Variants in MYZAP observed in about 807,000 individuals in gnomAD.
The protein encoded by MYZAP is GRINL1A complex locus upstream.
A neutral mutation model predicts 69.4 loss-of-function variants in MYZAP; 66 were observed. The observed-to-expected ratio is 0.95, with a 90% CI of 0.78 to 1.17. The LOEUF (loss-of-function observed/expected upper bound fraction) is 1.17. Among genes scored for constraint, MYZAP ranks in the 50% most tolerant of loss-of-function variants. The probability of loss-of-function intolerance (pLI) is 0.00; values close to 1 mark genes in which losing one functional copy is unlikely to be tolerated. For synonymous variants in MYZAP, 256 were observed against 205.9 expected (o/e 1.24, Z -2.09); for missense variants, 611 against 556.2 (o/e 1.10, Z -0.99).
chr15:57,630,978 G>A (rs1359437396), intron 6 of MYZAP, among the ~76,000 whole-genome samples: 1 of 152,120 alleles, frequency 6.6e-6, no homozygotes, highest in Non-Finnish European at 1.5e-5. Flanking sequence ...TCCACCGCCC[G>A]GTCTCTGTAT....
rs573262399 is a variant in MYZAP, at chr15:57,644,138, A to G, written c.1119+4593A>G. On this transcript the variant is annotated intron_variant, in intron 10 of 12. Coordinates refer to ENST00000267853, the MANE Select transcript of MYZAP (RefSeq NM_001018100.5). ...AAAACTCTGCAAGTGATTCTAATAT[A>G]CAGCCAGGATTGAGAATCGCTGTCC... is the stretch of plus-strand genomic sequence containing the variant. Among the ~76,000 whole-genome samples the G allele has an allele frequency of 3.9e-5, 6 of 152,316 alleles. No homozygotes were observed. The South Asian group carries it at 6.2e-4, about 16-fold the overall frequency.
intron 2 of MYZAP, 74 bp from the exon 3 acceptor site, chr15:57,617,959 T>A: frequency 1.3e-6 from 2 of 1,531,124 alleles, no homozygotes; most frequent in Non-Finnish European, 1.8e-6. Flanking sequence ...TCATACACAG[T>A]GGGCCCGTTA....
At chr15:57,667,372 C>T (rs2038629810) in intron 11 of MYZAP, among the ~76,000 whole-genome samples, 1 of 152,134 alleles carries the variant, frequency 6.6e-6, no homozygotes, top group Admixed American at 6.5e-5. Context: ...AAGTGCTGCA[C>T]ATTTTCTCCC....
intron 1 of MYZAP, among the ~76,000 whole-genome samples, chr15:57,599,032 G>A (rs1211110077): frequency 6.6e-6 from 1 of 152,186 alleles, no homozygotes; most frequent in East Asian, 1.9e-4. Flanking sequence ...TGTTTACAGA[G>A]TGCTTAATGC....
chr15:57,668,936 C>G (rs1285711137), intron 11 of MYZAP, among the ~76,000 whole-genome samples: 1 of 148,514 alleles, frequency 6.7e-6, no homozygotes, highest in Non-Finnish European at 1.5e-5. Flanking sequence ...GATACCCAAG[C>G]TGGAGTACAG....
chr15:57,604,284 C>A lies in MYZAP; in HGVS notation c.91C>A (p.Leu31Ile), dbSNP rs142253131. ...TCTCTTCTAGGCAAATGTTTGCAGA[C>A]TACGGCTGACCGTACCTCCTGAGAG... ...APSRRANVCR[L>I]RLTVPPESPV... The change falls in exon 2 of 13, where the codon CTA (leucine) becomes ATA (isoleucine). Residue 31 changes from leucine to isoleucine, a missense_variant. Transcript: ENST00000267853. The A allele has an allele frequency of 8.9e-4, 1,443 of 1,614,222 alleles. 3 individuals carry two copies. The highest frequency in any genetic ancestry group is 1.2e-3 in the Non-Finnish European group (1,387 of 1,180,048).
chr15:57,605,095 G>A lies in MYZAP; in HGVS notation c.162+740G>A, dbSNP rs549365652. ...GACCTCTAGGCCTGTGGTCCTGGCC[G>A]ACCCATTTTACTCATTCATAATTAT... On this transcript the variant is annotated intron_variant, in intron 2 of 12. Transcript: ENST00000267853. 2.6e-5 allele frequency among the ~76,000 whole-genome samples: 4 copies of A among 152,266 alleles called. No homozygotes were observed. The South Asian group carries it at 6.2e-4, about 24-fold the overall frequency.
chr15:57,652,181 T>C (rs1169588429), intron 10 of MYZAP, among the ~76,000 whole-genome samples: 3 of 152,206 alleles, frequency 2.0e-5, no homozygotes, highest in Non-Finnish European at 4.4e-5. Flanking sequence ...CATTCCTTCA[T>C]TGATTTTTCA....
rs1459075654 is a variant in MYZAP at position 57,684,457 on chromosome 15, A to G, written c.1360A>G (p.Thr454Ala). The change falls in exon 13 of 13, where the codon ACA (threonine) becomes GCA (alanine). Residue 454 changes from threonine to alanine, a missense_variant. By Grantham distance (58) the Thr-to-Ala change is moderately conservative. Transcript: ENST00000267853. ...VMPSRNYTPYTRVLELTMKKT... is the reference protein window; with the variant it reads ...VMPSRNYTPYARVLELTMKKT... ...GCCTTCTAGGAACTACACCCCATAC[A>G]CAAGAGTCCTGGAGTTAACCATGAA... is the stretch of plus-strand genomic sequence containing the variant. The G allele has an allele frequency of 3.7e-6, 6 of 1,613,594 alleles. No individual in the cohort carries two copies. The highest frequency in any genetic ancestry group is 1.1e-5 in the South Asian group (1 of 91,008).
At chr15:57,629,512 C>T (rs944514265) in intron 5 of MYZAP, among the ~76,000 whole-genome samples, 190 bp from the exon 6 acceptor site, 3 of 152,186 alleles carry the variant, frequency 2.0e-5, no homozygotes, top group Admixed American at 6.5e-5. Flanking sequence ...CTCCAAGCTA[C>T]AGGGGCAGAC....
chr15:57,644,622 ACT>A (rs139443808), intron 10 of MYZAP, among the ~76,000 whole-genome samples: 3,330 of 151,978 alleles, frequency 0.022, 46 homozygotes, highest in Middle Eastern at 0.092. Flanking sequence ...TTTTTGTATT[ACT>A]GTTATTATTA....
chr15:57,601,727 G>A (rs755477594), intron 1 of MYZAP, among the ~76,000 whole-genome samples: 1 of 152,026 alleles, frequency 6.6e-6, no homozygotes, highest in African/African-American at 2.4e-5. Flanking sequence ...GGATGGAGAG[G>A]GATCTTGAAA....
intron 12 of MYZAP, among the ~76,000 whole-genome samples, chr15:57,682,043 A>G (rs1347705792): frequency 6.6e-6 from 1 of 152,142 alleles, no homozygotes; most frequent in Non-Finnish European, 1.5e-5. Context: ...GAATGTAGCT[A>G]TTTGAAAGAA....
chr15:57,594,357 A>C (rs12437482), intron 1 of MYZAP, among the ~76,000 whole-genome samples: 75,103 of 152,034 alleles, frequency 0.49, 19,460 homozygotes, highest in African/African-American at 0.64. Flanking sequence ...CTCAAGTGAT[A>C]CAACTGCCTC....
At chr15:57,637,651 A>C (rs1420251702) in intron 8 of MYZAP, 44 bp from the exon 9 acceptor site, 1 of 1,595,866 alleles carries the variant, frequency 6.3e-7, no homozygotes, top group Non-Finnish European at 8.6e-7. Context: ...TCTCTGTCAA[A>C]CTTGGGATCC....
At chr15:57,631,840 C>A (rs1814313) in intron 6 of MYZAP, among the ~76,000 whole-genome samples, 1 of 151,994 alleles carries the variant, frequency 6.6e-6, no homozygotes, top group Non-Finnish European at 1.5e-5. Flanking sequence ...GAGAGCAAAC[C>A]TTCTGCAGCA....
At chr15:57,593,215 C>CACACACACA (rs1358695314) in intron 1 of MYZAP, among the ~76,000 whole-genome samples, 1 of 141,912 alleles carries the variant, frequency 7.0e-6, no homozygotes, top group African/African-American at 3.0e-5. Context: ...CACACACACA[C>CACACACACA]CCCAGAATCC....
intron 4 of MYZAP, among the ~76,000 whole-genome samples, chr15:57,624,088 T>C (rs1490810071): frequency 6.6e-6 from 1 of 152,220 alleles, no homozygotes; most frequent in Non-Finnish European, 1.5e-5. Context: ...CTTTATACTT[T>C]TGAAATGTTT....
chr15:57,593,190 A>ATGCGCGCGCGCGCGCGCGCGCGCGCGCG (rs376306761), intron 1 of MYZAP, among the ~76,000 whole-genome samples: 7 of 108,254 alleles, frequency 6.5e-5, no homozygotes, highest in South Asian at 3.2e-4. Flanking sequence ...ACACAGGCGC[A>ATGCGCGCGCGCGCGCGCGCGCGCGCGCG]CACACACACA....
Sources: gnomAD v4.1 joint callset for allele counts (sites outside exome capture counted in the v4.1 genomes callset) on GRCh38, gnomAD v4.1.1 for gene constraint, MANE v1.5 for transcripts, NCBI Gene and HGNC (gene_info 2026-07-23, HGNC 2026-07-21) for gene names.